The following PPP2R2B variants were observed in gnomAD, a reference collection of about 807,000 sequenced individuals.
The protein encoded by PPP2R2B is protein phosphatase 2 regulatory subunit Bbeta, also known as serine/threonine-protein phosphatase 2A 55 kDa regulatory subunit B beta isoform.
A neutral mutation model predicts 46.0 loss-of-function variants in PPP2R2B; 5 were observed. The observed-to-expected ratio is 0.11, with a 90% CI of 0.06 to 0.23. PPP2R2B has a LOEUF of 0.23. PPP2R2B is among the 10% of genes least tolerant of loss of function. PPP2R2B has a pLI of 1.00. For missense variants in PPP2R2B, 367 were observed against 575.0 expected (o/e 0.64, Z 3.70); for synonymous variants, 215 against 206.7 (o/e 1.04, Z -0.34).
chr5:146,600,234 C>G (rs1162197658), intron 8 of PPP2R2B, 57 bp downstream of exon 8: 1 of 1,566,650 alleles, frequency 6.4e-7, no homozygotes, highest in Non-Finnish European at 8.7e-7. Context: ...CAGGGGCTGA[C>G]TTAAAAGCTC....
chr5:147,040,640 T>G (rs1228014621), intron 1 of PPP2R2B: 1 of 384,452 alleles, frequency 2.6e-6, no homozygotes, highest in Non-Finnish European at 5.2e-6. Context: ...AGGGGCTCAG[T>G]GTGAGCAAAC....
chr5:146,680,677 G>C (rs974631243), intron 5 of PPP2R2B, among the ~76,000 whole-genome samples: 1 of 152,042 alleles, frequency 6.6e-6, no homozygotes, highest in Non-Finnish European at 1.5e-5. Context: ...AGAGACATTT[G>C]TGTGAGACAG....
chr5:146,723,407 T>C (rs1247850750), intron 2 of PPP2R2B, among the ~76,000 whole-genome samples: 1 of 152,170 alleles, frequency 6.6e-6, no homozygotes, highest in Non-Finnish European at 1.5e-5. Context: ...GGAATACTGA[T>C]AATCTCTGGG....
At chr5:147,042,881 C>T (rs117674640) in intron 1 of PPP2R2B, among the ~76,000 whole-genome samples, 65 of 151,936 alleles carry the variant, frequency 4.3e-4, no homozygotes, top group East Asian at 1.9e-3. Flanking sequence ...GCATTCCAGA[C>T]GGAGGGAGCC....
chr5:147,062,996 G>GAGGGAGGA (rs1362035522), intron 2 of PPP2R2B, among the ~76,000 whole-genome samples: 7 of 64,992 alleles, frequency 1.1e-4, no homozygotes, highest in East Asian at 6.6e-4. Context: ...GGGAGGGAGG[G>GAGGGAGGA]AGGGGGGAAG....
intron 2 of PPP2R2B, among the ~76,000 whole-genome samples, chr5:146,764,216 G>C (rs1050740347): frequency 8.5e-5 from 13 of 152,052 alleles, no homozygotes; most frequent in African/African-American, 2.7e-4. Context: ...GTAGGGACCT[G>C]AGTCTGGAGG....
chr5:146,983,242 A>G (rs1221527525), intron 1 of PPP2R2B, among the ~76,000 whole-genome samples: 8 of 127,790 alleles, frequency 6.3e-5, no homozygotes, highest in Admixed American at 1.0e-4. Flanking sequence ...GTGCAGTGGC[A>G]CAATCTCGGC....
chr5:146,859,229 A>T (rs1219052521), intron 2 of PPP2R2B, among the ~76,000 whole-genome samples: 1 of 152,204 alleles, frequency 6.6e-6, no homozygotes, highest in East Asian at 1.9e-4. Context: ...TTTACTCTTT[A>T]TATTTGTTGA....
chr5:147,069,783 C>CTTTT (rs1561611794), intron 2 of PPP2R2B, among the ~76,000 whole-genome samples: 1 of 48,436 alleles, frequency 2.1e-5, no homozygotes, highest in African/African-American at 8.9e-5. Flanking sequence ...ACATTTTATA[C>CTTTT]TGTTTTTTTT....
intron 1 of PPP2R2B, among the ~76,000 whole-genome samples, chr5:146,896,997 T>C (rs1762665782): frequency 6.6e-6 from 1 of 152,294 alleles, no homozygotes; most frequent in South Asian, 2.1e-4. Context: ...TTAAGGTCAA[T>C]GATGAACTGA....
At position 146,893,549 on chromosome 5, in the gene PPP2R2B, G is replaced by A. The variant is rs182705045; in HGVS notation, c.79+162116C>T. Among the ~76,000 whole-genome samples the A allele has an allele frequency of 2.6e-4, 40 of 152,264 alleles. 1 individual carries two copies. In the Middle Eastern group the frequency reaches 0.014, roughly 52 times the overall value. ...AAAACCTGTCCATAGGCCAGGTGCT[G>A]TGGCTCACACCTGTAATCCCAGCAC... On this transcript the variant is annotated intron_variant, in intron 1 of 8. Coordinates refer to the PPP2R2B transcript ENST00000336640.
At chr5:146,968,000 C>T (rs1752506394) in intron 1 of PPP2R2B, among the ~76,000 whole-genome samples, 2 of 152,190 alleles carry the variant, frequency 1.3e-5, no homozygotes, top group African/African-American at 4.8e-5. Flanking sequence ...ACTAAAGGAA[C>T]ACAACCAAGG....
At chr5:146,650,986 C>A (rs1238059596) in intron 5 of PPP2R2B, among the ~76,000 whole-genome samples, 1 of 152,154 alleles carries the variant, frequency 6.6e-6, no homozygotes, top group Non-Finnish European at 1.5e-5. Context: ...CTAAGCCCCT[C>A]CAGGTAGCCT....
At chr5:146,678,659 A>C (rs1777911950) in intron 5 of PPP2R2B, among the ~76,000 whole-genome samples, 1 of 148,382 alleles carries the variant, frequency 6.7e-6, no homozygotes, top group Non-Finnish European at 1.5e-5. Context: ...GTCTCAGCCC[A>C]AAATCTCCTT....
intron 2 of PPP2R2B, among the ~76,000 whole-genome samples, chr5:146,795,380 T>C (rs1464915545): frequency 6.6e-6 from 1 of 152,122 alleles, no homozygotes; most frequent in East Asian, 1.9e-4. Context: ...ACCCTCCCAT[T>C]TGTGACCACA....
At chr5:147,026,972 A>C (rs754593577) in intron 1 of PPP2R2B, among the ~76,000 whole-genome samples, 2 of 152,212 alleles carry the variant, frequency 1.3e-5, no homozygotes, top group Non-Finnish European at 2.9e-5. Context: ...TGTTCTCAAA[A>C]AGCTTTCTAA....
intron 1 of PPP2R2B, among the ~76,000 whole-genome samples, chr5:146,969,446 A>G (rs1752568935): frequency 6.6e-6 from 1 of 152,224 alleles, no homozygotes; most frequent in Non-Finnish European, 1.5e-5. Flanking sequence ...AACCATATCA[A>G]AAATAGTTTG....
intron 2 of PPP2R2B, among the ~76,000 whole-genome samples, chr5:146,740,945 G>A (rs772238759): frequency 6.6e-6 from 1 of 151,554 alleles, no homozygotes; most frequent in Non-Finnish European, 1.5e-5. Context: ...ACTGAGGCAG[G>A]AGAATCACTT....
intron 1 of PPP2R2B, among the ~76,000 whole-genome samples, chr5:146,900,447 T>C (rs1471526609): frequency 2.0e-5 from 3 of 152,212 alleles, no homozygotes; most frequent in Non-Finnish European, 2.9e-5. Flanking sequence ...TGTTGCTACC[T>C]TGGCAAATTT....
Sources: allele counts gnomAD v4.1 joint callset (sites outside exome capture counted in the v4.1 genomes callset), GRCh38; gene constraint gnomAD v4.1.1; transcripts MANE v1.5; gene names NCBI Gene and HGNC (gene_info 2026-07-23, HGNC 2026-07-21).